The following NAV3 variants were observed in gnomAD, a reference collection of about 807,000 sequenced individuals.
NAV3 encodes pore membrane and/or filament interacting like protein 1.
A neutral mutation model predicts 244.7 loss-of-function variants in NAV3; 87 were observed. The observed-to-expected ratio is 0.36, with a 90% CI of 0.30 to 0.42. The LOEUF (loss-of-function observed/expected upper bound fraction) is 0.42. Ranked by LOEUF, NAV3 falls within the 20% of genes least tolerant of loss-of-function variation. The pLI is 1.00. For synonymous variants in NAV3, 1,126 were observed against 1,042.2 expected, an observed-to-expected ratio of 1.08 and a Z score of -1.55; for missense variants, 2,663 against 2,893.3, an observed-to-expected ratio of 0.92 and a Z score of 1.83.
At chr12:78,017,225 T>C (rs1876373814) in intron 8 of NAV3, among the ~76,000 whole-genome samples, 1 of 152,138 alleles carries the variant, frequency 6.6e-6, no homozygotes, top group African/African-American at 2.4e-5. Flanking sequence ...AAACAGGTAA[T>C]AGCTCTCATG....
At chr12:77,694,310 A>T (rs1384422498) in intron 2 of NAV3, among the ~76,000 whole-genome samples, 1 of 151,658 alleles carries the variant, frequency 6.6e-6, no homozygotes, top group Non-Finnish European at 1.5e-5. Context: ...ACTAAAAAAA[A>T]AAAATACAAA....
At chr12:77,882,795 A>C (rs1049596060) in intron 1 of NAV3, among the ~76,000 whole-genome samples, 15 of 152,196 alleles carry the variant, frequency 9.9e-5, no homozygotes, top group Non-Finnish European at 7.3e-5. Context: ...TTCTCAAAAT[A>C]AGACATACAC....
At chr12:77,949,984 A>G (rs1021694195) in intron 3 of NAV3, among the ~76,000 whole-genome samples, 2 of 152,070 alleles carry the variant, frequency 1.3e-5, no homozygotes, top group African/African-American at 2.4e-5. Flanking sequence ...ATGTCTTTTC[A>G]TGGCTTGATG....
chr12:77,840,693 G>A (rs1415184910), intron 1 of NAV3, among the ~76,000 whole-genome samples: 1 of 152,142 alleles, frequency 6.6e-6, no homozygotes, highest in Non-Finnish European at 1.5e-5. Context: ...CTTTTTGAGT[G>A]CCTCCCACAT....
Position 77,900,226 on chromosome 12 carries a change from G to A in NAV3, c.244-40093G>A, listed in dbSNP as rs565968489. 4.5e-4 allele frequency among the ~76,000 whole-genome samples: 68 copies of A among 151,940 alleles called. No homozygotes were observed. In the South Asian group the frequency reaches 9.8e-3, roughly 22 times the overall value. ...CGAGTAGCTGGGACTACAGGCGCCCGCCACCACGCCCAGCTAATTTTTTGT... is the reference window on the plus strand; with the variant it reads ...CGAGTAGCTGGGACTACAGGCGCCCACCACCACGCCCAGCTAATTTTTTGT... On this transcript the variant is annotated intron_variant, in intron 1 of 39. Coordinates refer to ENST00000397909, the MANE Select transcript of NAV3 (RefSeq NM_001024383.2).
At chr12:77,942,376 AAAAT>A (rs373926380) in intron 3 of NAV3, among the ~76,000 whole-genome samples, 3 of 151,894 alleles carry the variant, frequency 2.0e-5, no homozygotes, top group African/African-American at 4.8e-5. Context: ...CTGTCTCGAA[AAAAT>A]AAATAAATAA....
chr12:78,174,068 C>G (rs924556577), intron 24 of NAV3, among the ~76,000 whole-genome samples: 1 of 151,640 alleles, frequency 6.6e-6, no homozygotes, highest in African/African-American at 2.4e-5. Flanking sequence ...ATTTTGACAT[C>G]TTACAACTTC....
At chr12:77,867,571 C>T (rs563923576) in intron 1 of NAV3, among the ~76,000 whole-genome samples, 12 of 151,726 alleles carry the variant, frequency 7.9e-5, no homozygotes, top group African/African-American at 2.2e-4. Context: ...AAGCGCCCGC[C>T]ACCACGCCCG....
intron 5 of NAV3, among the ~76,000 whole-genome samples, chr12:77,976,326 A>G (rs1353010862): frequency 6.6e-6 from 1 of 152,186 alleles, no homozygotes; most frequent in Admixed American, 6.5e-5. Flanking sequence ...ATAAAAAGCT[A>G]TAAGGCTAGA....
At chr12:77,766,984 C>A (rs1869808455) in intron 2 of NAV3, among the ~76,000 whole-genome samples, 1 of 151,934 alleles carries the variant, frequency 6.6e-6, no homozygotes, top group Admixed American at 6.6e-5. Flanking sequence ...AAACTCCTGA[C>A]CTCAGGTGAT....
chr12:77,941,933 A>C (rs544481111), intron 3 of NAV3, among the ~76,000 whole-genome samples: 2 of 152,372 alleles, frequency 1.3e-5, no homozygotes, highest in Admixed American at 6.5e-5. Context: ...GAATTTAATG[A>C]GTTCTTAGTT....
chr12:78,195,325 C>T (rs1959156600), intron 34 of NAV3, among the ~76,000 whole-genome samples: 1 of 151,766 alleles, frequency 6.6e-6, no homozygotes, highest in Non-Finnish European at 1.5e-5. Context: ...TTTCAGGTTT[C>T]ACTTTTTATT....
At chr12:77,729,827 T>C (rs532774220) in intron 2 of NAV3, among the ~76,000 whole-genome samples, 1 of 151,806 alleles carries the variant, frequency 6.6e-6, no homozygotes, top group Non-Finnish European at 1.5e-5. Context: ...TCAGACACAA[T>C]AGAGGGCCTG....
intron 1 of NAV3, among the ~76,000 whole-genome samples, chr12:77,901,403 C>T (rs11107247): frequency 0.37 from 56,823 of 151,892 alleles, 11,028 homozygotes; most frequent in African/African-American, 0.48. Context: ...TTTTTGTATA[C>T]GGTGAAAGGT....
At chr12:77,654,753 A>T (rs543503861) in intron 2 of NAV3, among the ~76,000 whole-genome samples, 60 of 151,702 alleles carry the variant, frequency 4.0e-4, no homozygotes, top group Non-Finnish European at 7.5e-4. Context: ...CTCCTCTGAG[A>T]CAAAACTTCC....
chr12:77,867,127 A>T (rs1462851662), intron 1 of NAV3, among the ~76,000 whole-genome samples: 2 of 152,224 alleles, frequency 1.3e-5, no homozygotes, highest in Non-Finnish European at 2.9e-5. Flanking sequence ...TGTAGCTTTC[A>T]TAATTCCCAT....
At chr12:77,734,016 G>C (rs1232101193) in intron 2 of NAV3, among the ~76,000 whole-genome samples, 1 of 151,854 alleles carries the variant, frequency 6.6e-6, no homozygotes, top group African/African-American at 2.4e-5. Flanking sequence ...TTCAGGATCA[G>C]AGAGACTTAA....
intron 2 of NAV3, among the ~76,000 whole-genome samples, chr12:77,762,723 T>TTTGTTG (rs5799344): frequency 2.3e-4 from 34 of 150,832 alleles, no homozygotes; most frequent in Non-Finnish European, 3.7e-4. Context: ...TCATGGGTTT[T>TTTGTTG]TTGTTGTTGT....
chr12:77,879,470 C>G (rs1353998520), intron 1 of NAV3, among the ~76,000 whole-genome samples: 2 of 151,860 alleles, frequency 1.3e-5, no homozygotes, highest in Non-Finnish European at 2.9e-5. Flanking sequence ...GAGTTCGAGA[C>G]CAGCCTGGCA....
Sources: allele counts gnomAD v4.1 joint callset (sites outside exome capture counted in the v4.1 genomes callset), GRCh38; gene constraint gnomAD v4.1.1; transcripts MANE v1.5; gene names NCBI Gene and HGNC (gene_info 2026-07-23, HGNC 2026-07-21).